Variants in BRSK1 observed in about 807,000 individuals in gnomAD.
BRSK1 encodes the protein BR serine/threonine kinase 1, also known as serine/threonine-protein kinase BRSK1.
BRSK1 carries 17 observed loss-of-function variants against 86.2 expected under a neutral mutation model. That is an observed-to-expected ratio of 0.20 (90% CI 0.14 to 0.30). The LOEUF (loss-of-function observed/expected upper bound fraction) is 0.30, where lower values mean the gene tolerates loss of function less well. Among genes scored for constraint, BRSK1 ranks in the 10% least tolerant of loss-of-function variants. BRSK1 has a pLI of 1.00. For missense variants in BRSK1, 719 were observed against 1,071.9 expected, an observed-to-expected ratio of 0.67 and a Z score of 4.60; for synonymous variants, 464 against 440.1, an observed-to-expected ratio of 1.05 and a Z score of -0.68.
chr19:55,287,381 A>G lies in BRSK1; in HGVS notation c.317+82A>G, dbSNP rs2088334615. On this transcript the variant is annotated intron_variant, in intron 3 of 18. Transcript: ENST00000309383. This position sits in a 1 kb window ranked among gnomAD's most constrained non-coding sequence, Gnocchi z 5.3. ...TGGGACTTCTCCAGAAACAGGGCCT[A>G]GGGGGACCTGGGGGACCTGCAGCTC... 2 of 1,359,388 alleles carry G rather than the reference A, an allele frequency of 1.5e-6. No individual in the cohort carries two copies. Among genetic ancestry groups the G allele is most frequent in the African/African-American group, 2.9e-5 (2 of 69,634 alleles). 84.2% of individuals were successfully genotyped at this position (1,359,388 alleles called of 1,614,324 possible). A position where few individuals can be genotyped will look rare whatever the true frequency, so the allele number is the denominator to read the frequency against.
chr19:55,293,502 A>G (rs1016662139), intron 4 of BRSK1, among the ~76,000 whole-genome samples: 1 of 139,548 alleles, frequency 7.2e-6, no homozygotes, highest in African/African-American at 2.7e-5. Context: ...ACTCCATCTC[A>G]ATAAATAAAT....
In BRSK1 at chr19:55,284,491, C is replaced by CAG; in HGVS notation, c.49_50insAG (p.Leu17GlnfsTer50). The CAG allele has an allele frequency of 1.8e-6, 2 of 1,138,122 alleles. No individual in the cohort carries two copies. The highest frequency in any genetic ancestry group is 2.4e-6 in the Non-Finnish European group (2 of 849,182). The allele number at this position is 1,138,122 out of a possible 1,614,324, so 70.5% of individuals were successfully genotyped here. A position where few individuals can be genotyped will look rare whatever the true frequency, so the allele number is the denominator to read the frequency against. On this transcript the variant is annotated frameshift_variant, in exon 1 of 19. Coordinates refer to ENST00000309383, the MANE Select transcript of BRSK1 (RefSeq NM_032430.2). LOFTEE classifies it high-confidence loss of function. ...AGGTGGGGGCTCTCCCGCCTACCACCTCCCCCACCCCCACCCCCACCCACC... is the reference window on the plus strand; with the variant it reads ...AGGTGGGGGCTCTCCCGCCTACCACCAGTCCCCCACCCCCACCCCCACCCACC...
At position 55,303,264 on chromosome 19, in the gene BRSK1, C is replaced by T; in HGVS notation, c.1029-47C>T. ...CCTCCTCTGAGCATTGATGTTGGAC[C>T]TCAGCCCTCTGCTACCTCTTTCCAC... On this transcript the variant is annotated intron_variant, in intron 10 of 18. Transcript: ENST00000309383. This position sits in a 1 kb window ranked among gnomAD's most constrained non-coding sequence, Gnocchi z 5.1. 1.4e-6 allele frequency: 2 copies of T among 1,468,016 alleles called. No individual in the cohort carries two copies. Among genetic ancestry groups the T allele is most frequent in the Admixed American group, 1.7e-5 (1 of 59,736 alleles). 90.9% of individuals were successfully genotyped at this position (1,468,016 alleles called of 1,614,324 possible).
At chr19:55,296,810 T>G (rs991890219) in intron 7 of BRSK1, among the ~76,000 whole-genome samples, 8 of 151,346 alleles carry the variant, frequency 5.3e-5, no homozygotes, top group Non-Finnish European at 2.9e-5. Flanking sequence ...ATCATGCCAC[T>G]GCACTCCAGC....
At chr19:55,289,970 C>T (rs2088380131) in intron 4 of BRSK1, among the ~76,000 whole-genome samples, 1 of 152,046 alleles carries the variant, frequency 6.6e-6, no homozygotes, top group Non-Finnish European at 1.5e-5. Context: ...TAAATGGAAT[C>T]ATACGATACA....
Position 55,302,312 on chromosome 19 carries a change from G to A in BRSK1, c.857+144G>A. ...CTCGGACTTATGGGTCCTGGGGGAA[G>A]AGGACACAGCTAGAGAAGGAGTCTA... On this transcript the variant is annotated intron_variant, in intron 9 of 18. Transcript: ENST00000309383. This position sits in a 1 kb window ranked among gnomAD's most constrained non-coding sequence, Gnocchi z 6.3. 1.1e-6 allele frequency: 1 copy of A among 950,410 alleles called. No individual in the cohort carries two copies. The highest frequency in any genetic ancestry group is 1.7e-6 in the Non-Finnish European group (1 of 584,820). The allele number at this position is 950,410 out of a possible 1,614,324, so 58.9% of individuals were successfully genotyped here.
At chr19:55,305,616 G>T (rs137976360) in intron 16 of BRSK1, 30 bp downstream of exon 16, 2 of 1,613,272 alleles carry the variant, frequency 1.2e-6, no homozygotes, top group Non-Finnish European at 1.7e-6. Flanking sequence ...ATCGAGCCTG[G>T]CCCCCGCAGA....
chr19:55,312,263 C>G lies in BRSK1; in HGVS notation c.*195C>G, dbSNP rs2088818994. ...TCTAGGGGAACAGGGGGCGGGGGAGCTGTTTCTATTTTATTTATTGATTAA... is the reference window on the plus strand; with the variant it reads ...TCTAGGGGAACAGGGGGCGGGGGAGGTGTTTCTATTTTATTTATTGATTAA... On this transcript the variant is annotated 3_prime_UTR_variant, in exon 19 of 19. Transcript: ENST00000309383. 1 of 348,400 alleles carries G rather than the reference C, an allele frequency of 2.9e-6. No homozygotes were observed. Among genetic ancestry groups the G allele is most frequent in the Non-Finnish European group, 5.0e-6 (1 of 198,038 alleles). 21.6% of individuals were successfully genotyped at this position (348,400 alleles called of 1,614,324 possible). A position where few individuals can be genotyped will look rare whatever the true frequency, so the allele number is the denominator to read the frequency against.
intron 1 of BRSK1, 56 bp from the exon 2 acceptor site, chr19:55,286,951 G>A (rs982275154): frequency 4.6e-5 from 72 of 1,553,702 alleles, no homozygotes; most frequent in Non-Finnish European, 5.4e-5. Context: ...GGACATAGGC[G>A]CTGGGGACGA....
intron 7 of BRSK1, among the ~76,000 whole-genome samples, chr19:55,299,944 C>T (rs1471293765): frequency 6.6e-6 from 1 of 152,174 alleles, no homozygotes; most frequent in East Asian, 1.9e-4. Flanking sequence ...ACCATCACCT[C>T]CCATGAGTCT....
intron 4 of BRSK1, among the ~76,000 whole-genome samples, chr19:55,293,438 GT>G (rs1257169609): frequency 6.6e-6 from 1 of 152,090 alleles, no homozygotes; most frequent in African/African-American, 2.4e-5. Flanking sequence ...GGATGCGGAG[GT>G]TGCAGTGAGC....
intron 4 of BRSK1, among the ~76,000 whole-genome samples, chr19:55,293,338 A>C (rs938149686): frequency 3.9e-5 from 6 of 152,096 alleles, no homozygotes; most frequent in African/African-American, 1.4e-4. Flanking sequence ...CTCAAAAAAA[A>C]TAAAAATACA....
At chr19:55,311,255 C>T (rs543176860) in intron 18 of BRSK1, among the ~76,000 whole-genome samples, 3 of 152,310 alleles carry the variant, frequency 2.0e-5, no homozygotes, top group African/African-American at 2.4e-5. Flanking sequence ...AGCCACTGCG[C>T]CCGGCCCACT....
At chr19:55,292,172 T>A (rs982725709) in intron 4 of BRSK1, among the ~76,000 whole-genome samples, 13 of 152,186 alleles carry the variant, frequency 8.5e-5, no homozygotes, top group Non-Finnish European at 5.9e-5. Flanking sequence ...ACCCAGTTAA[T>A]GACCAGGCCA....
In BRSK1 at chr19:55,306,467, G is replaced by C; in HGVS notation, c.2089+17G>C. ...TCATCTCGGGTGAGTCTCTTGGCTA[G>C]GCTGCCTGCAGCCCAGTGCTGGGAC... is the stretch of plus-strand genomic sequence containing the variant. On this transcript the variant is annotated intron_variant, in intron 17 of 18. Coordinates refer to ENST00000309383, the MANE Select transcript of BRSK1 (RefSeq NM_032430.2). The surrounding 1 kb of genome is among the most constrained non-coding windows in gnomAD (Gnocchi z 4.7). The C allele has an allele frequency of 6.2e-7, 1 of 1,610,264 alleles. No individual in the cohort carries two copies. The highest frequency in any genetic ancestry group is 8.5e-7 in the Non-Finnish European group (1 of 1,179,848).
Position 55,294,001 on chromosome 19 carries a change from C to T in BRSK1, c.459-16C>T, listed in dbSNP as rs1259994451. On this transcript the variant is annotated splice_polypyrimidine_tract_variant and intron_variant, in intron 4 of 18. Coordinates refer to ENST00000309383, the MANE Select transcript of BRSK1 (RefSeq NM_032430.2). This position sits in a 1 kb window ranked among gnomAD's most constrained non-coding sequence, Gnocchi z 4.9. ...GGGAGGAAGGAAGAGGCCTGAGTCC[C>T]ACCTGGCTGTCTCAGCCACAGAGAC... The T allele has an allele frequency of 1.2e-6, 2 of 1,601,634 alleles. No homozygotes were observed. Among genetic ancestry groups the T allele is most frequent in the Non-Finnish European group, 1.7e-6 (2 of 1,172,132 alleles).
rs184089631 is a variant in BRSK1 at position 55,285,507 on chromosome 19, T to G, written c.136+929T>G. Among the ~76,000 whole-genome samples, 793 of 152,256 alleles carry G rather than the reference T, an allele frequency of 5.2e-3. 5 individuals are homozygous for G. The highest frequency in any genetic ancestry group is 7.4e-3 in the Non-Finnish European group (505 of 68,004). On this transcript the variant is annotated intron_variant, in intron 1 of 18. Transcript: ENST00000309383. ...GAAACCTCTTCCCTCCCCACTGTCC[T>G]CTGGCCTCCAGTTCTCCAGGCAGCA...
At chr19:55,297,200 C>T (rs1229491167) in intron 7 of BRSK1, among the ~76,000 whole-genome samples, 1 of 151,924 alleles carries the variant, frequency 6.6e-6, no homozygotes. Flanking sequence ...CCTCAGCCTC[C>T]CAAGTAGCAG....
At chr19:55,297,431 G>T (rs1050473156) in intron 7 of BRSK1, among the ~76,000 whole-genome samples, 1 of 152,172 alleles carries the variant, frequency 6.6e-6, no homozygotes, top group Admixed American at 6.5e-5. Context: ...TCCCTCAGCA[G>T]TCCCAGGGAG....
Sources: gnomAD v4.1 joint callset for allele counts (sites outside exome capture counted in the v4.1 genomes callset) on GRCh38, gnomAD v4.1.1 for gene constraint, Gnocchi (gnomAD v3.1) non-coding constraint, MANE v1.5 for transcripts, NCBI Gene and HGNC (gene_info 2026-07-23, HGNC 2026-07-21) for gene names.